The following IRAG1 variants were observed in gnomAD, a reference collection of about 807,000 sequenced individuals.
The protein encoded by IRAG1 is IP3R-associated cGMP kinase substrate.
A neutral mutation model predicts 106.2 loss-of-function variants in IRAG1; 62 were observed. The observed-to-expected ratio is 0.58, with a 90% CI of 0.48 to 0.72. The LOEUF is 0.72. Among genes scored for constraint, IRAG1 ranks in the 30% least tolerant of loss-of-function variants. IRAG1 has a pLI of 0.00. For synonymous variants in IRAG1, 462 were observed against 443.9 expected, an observed-to-expected ratio of 1.04 and a Z score of -0.51; for missense variants, 1,064 against 1,140.7, an observed-to-expected ratio of 0.93 and a Z score of 0.97.
intron 1 of IRAG1, among the ~76,000 whole-genome samples, chr11:10,689,971 T>C (rs934645569): frequency 2.0e-5 from 3 of 152,232 alleles, no homozygotes; most frequent in Non-Finnish European, 4.4e-5. Context: ...TGCATTACTT[T>C]TTTTTCTAGA....
At chr11:10,675,240 T>G (rs865941492) in intron 1 of IRAG1, among the ~76,000 whole-genome samples, 7 of 152,304 alleles carry the variant, frequency 4.6e-5, no homozygotes, top group Middle Eastern at 3.4e-3. Flanking sequence ...TGTCAGCATT[T>G]CTAAAATGTC....
chr11:10,683,483 A>C (rs1254363666), intron 1 of IRAG1, among the ~76,000 whole-genome samples: 1 of 152,234 alleles, frequency 6.6e-6, no homozygotes, highest in Non-Finnish European at 1.5e-5. Context: ...TCAGGAAGTA[A>C]GGATGTCCCT....
At chr11:10,593,798 C>A in intron 16 of IRAG1, 199 bp from the exon 17 acceptor site, 1 of 582,822 alleles carries the variant, frequency 1.7e-6, no homozygotes, top group Non-Finnish European at 3.1e-6. Context: ...GGTGAGTGAA[C>A]GCTCAATCTG....
Position 10,601,045 on chromosome 11 carries a change from C to T in IRAG1, c.1890G>A (p.Ser630=), listed in dbSNP as rs1298989992. 5.0e-6 allele frequency: 8 copies of T among 1,614,002 alleles called. No homozygotes were observed. The highest frequency in any genetic ancestry group is 1.7e-5 in the Admixed American group (1 of 60,034). ...ACTGCATCATCACTTCCGTTGCTTTCGACATGCGCTTTTCCTGCGGGGAAG... is the reference window on the plus strand; with the variant it reads ...ACTGCATCATCACTTCCGTTGCTTTTGACATGCGCTTTTCCTGCGGGGAAG... ...VGAVRQEKRM[S]KATEVMMQYV... is the part of the protein sequence containing the mutation. The change falls in exon 15 of 21, where the codon TCG becomes TCA. Residue 630 remains serine (S), a synonymous_variant. Transcript: ENST00000423302.
At chr11:10,609,651 T>C in intron 11 of IRAG1, 77 bp downstream of exon 11, 1 of 1,509,644 alleles carries the variant, frequency 6.6e-7, no homozygotes, top group South Asian at 1.2e-5. Context: ...AGACTGGTGT[T>C]CCTCTGTGTC....
chr11:10,578,667 C>T (rs1851077648), intron 20 of IRAG1, among the ~76,000 whole-genome samples: 2 of 152,194 alleles, frequency 1.3e-5, no homozygotes. Flanking sequence ...ATAAATGTTA[C>T]AGGCACCATT....
chr11:10,603,493 G>A (rs866360090), intron 13 of IRAG1, among the ~76,000 whole-genome samples: 8 of 152,094 alleles, frequency 5.3e-5, no homozygotes, highest in African/African-American at 1.7e-4. Flanking sequence ...TATGGGAATC[G>A]AATGCTGCTG....
intron 10 of IRAG1, chr11:10,611,795 A>G (rs1183243619): frequency 6.6e-6 from 1 of 152,228 alleles, no homozygotes; most frequent in African/African-American, 2.4e-5. Flanking sequence ...ACCACAGAAT[A>G]GAGAGGGAAA....
chr11:10,601,484 T>C (rs1835905046), intron 14 of IRAG1, among the ~76,000 whole-genome samples: 1 of 152,158 alleles, frequency 6.6e-6, no homozygotes, highest in African/African-American at 2.4e-5. Flanking sequence ...GGTTTTATCC[T>C]CTGAATAAGA....
chr11:10,654,595 G>A (rs186490129), intron 1 of IRAG1, among the ~76,000 whole-genome samples: 4 of 152,298 alleles, frequency 2.6e-5, no homozygotes, highest in African/African-American at 9.6e-5. Flanking sequence ...GATAATCTTG[G>A]CCTTCAAGGA....
Position 10,578,229 on chromosome 11 carries a change from TGA to T in IRAG1, c.2496-1656_2496-1655del, listed in dbSNP as rs142894942. On this transcript the variant is annotated intron_variant, in intron 20 of 20. Transcript: ENST00000423302. ...TTATAATAAGTAAACTTCTGTTTCC[TGA>T]GAGTTATTGGAAAAGTAAAGGAACC... 4.6e-3 allele frequency among the ~76,000 whole-genome samples: 698 copies of T among 152,354 alleles called. 4 individuals carry two copies. Among genetic ancestry groups the T allele is most frequent in the African/African-American group, 0.016 (660 of 41,586 alleles).
intron 2 of IRAG1, among the ~76,000 whole-genome samples, chr11:10,634,560 C>G (rs1337146294): frequency 1.3e-5 from 2 of 152,170 alleles, no homozygotes; most frequent in Non-Finnish European, 2.9e-5. Flanking sequence ...TCTCCCACCC[C>G]CAGTCACTGG....
In IRAG1 at chr11:10,626,058, C is replaced by A. The variant is rs750185459; in HGVS notation, c.1276G>T (p.Ala426Ser). Residue 426 changes from alanine (A) to serine (S), a missense_variant, in exon 9 of 21, where the codon GCC (alanine) becomes TCC (serine). By Grantham distance (99) the Ala-to-Ser change is moderately conservative. Transcript: ENST00000423302. ...AEEEKRFAGKAGGKLAKAPGL... is the reference protein window; with the variant it reads ...AEEEKRFAGKSGGKLAKAPGL... ...GGGGCCTTGGCCAGCTTGCCGCCGG[C>A]CTTGCCTGCAAAACGCTTTTCTTCC... 9.1e-5 allele frequency: 139 copies of A among 1,526,098 alleles called. No individual in the cohort carries two copies. Among genetic ancestry groups the A allele is most frequent in the Middle Eastern group, 7.0e-4 (4 of 5,686 alleles). The allele number at this position is 1,526,098 out of a possible 1,614,324, so 94.5% of individuals were successfully genotyped here.
chr11:10,675,972 T>C lies in IRAG1; in HGVS notation c.67+17564A>G, dbSNP rs112262541. The stretch of plus-strand genomic sequence containing the variant: ...AGGAACAAGCCTCTCCCCTGCCTCA[T>C]GGAGGCTGGCCTCCCATCTAACAAT... On this transcript the variant is annotated intron_variant, in intron 1 of 20. Transcript: ENST00000423302. Among the ~76,000 whole-genome samples the C allele has an allele frequency of 8.1e-4, 123 of 152,366 alleles. 1 individual carries two copies. The highest frequency in any genetic ancestry group is 2.8e-3 in the African/African-American group (115 of 41,602).
At chr11:10,617,126 G>C (rs1306319874) in intron 10 of IRAG1, 2 of 985,192 alleles carry the variant, frequency 2.0e-6, no homozygotes, top group South Asian at 9.4e-5. Context: ...CTGTCCATTC[G>C]ATGTACTTCT....
intron 20 of IRAG1, among the ~76,000 whole-genome samples, chr11:10,578,843 A>ACTTT (rs5789641): frequency 6.6e-6 from 1 of 151,450 alleles, no homozygotes; most frequent in Non-Finnish European, 1.5e-5. Flanking sequence ...TATTCCATGT[A>ACTTT]CTCTCTCTCT....
intron 10 of IRAG1, among the ~76,000 whole-genome samples, chr11:10,611,881 AT>A (rs1414242731): frequency 6.6e-6 from 1 of 152,214 alleles, no homozygotes; most frequent in Non-Finnish European, 1.5e-5. Context: ...TCTCCATTCC[AT>A]CTTACCAGCA....
In IRAG1 at chr11:10,603,101, G is replaced by A. The variant is rs367720915; in HGVS notation, c.1875+19C>T. On this transcript the variant is annotated intron_variant, in intron 14 of 20. Coordinates refer to ENST00000423302, the MANE Select transcript of IRAG1 (RefSeq NM_130385.4). ...TAGGTGGAACAGAGTTGGCAAGACC[G>A]GGGGCTGGAGAGACTCACCTGGCGG... 5.6e-5 allele frequency: 89 copies of A among 1,602,258 alleles called. 1 individual carries two copies. Among genetic ancestry groups the A allele is most frequent in the East Asian group, 4.5e-5 (2 of 44,516 alleles).
chr11:10,581,842 T>C (rs1851427114), intron 19 of IRAG1, 25 bp downstream of exon 19: 1 of 1,610,014 alleles, frequency 6.2e-7, no homozygotes, highest in East Asian at 2.2e-5. Flanking sequence ...CCAGGTGCCC[T>C]TGGGGTGGCT....
Sources: allele counts gnomAD v4.1 joint callset (sites outside exome capture counted in the v4.1 genomes callset), GRCh38; gene constraint gnomAD v4.1.1; transcripts MANE v1.5; gene names NCBI Gene and HGNC (gene_info 2026-07-23, HGNC 2026-07-21).